Variants in ZDHHC17 observed in about 807,000 individuals in gnomAD.
The protein encoded by ZDHHC17 is palmitoyltransferase ZDHHC17.
Under a neutral mutation model 90.3 loss-of-function variants are expected in ZDHHC17, and 40 were observed. The ratio of observed to expected loss-of-function variants is 0.44; its 90% CI spans 0.34 to 0.58. ZDHHC17 has a LOEUF of 0.58. Ranked by LOEUF, ZDHHC17 falls within the 20% of genes least tolerant of loss-of-function variation. The probability of loss-of-function intolerance (pLI) is 0.01; values close to 1 mark genes in which losing one functional copy is unlikely to be tolerated. For missense variants in ZDHHC17, 614 were observed against 780.8 expected (o/e 0.79, Z 2.55); for synonymous variants, 235 against 252.4 (o/e 0.93, Z 0.65).
intron 5 of ZDHHC17, among the ~76,000 whole-genome samples, chr12:76,812,749 A>G (rs1199076729): frequency 6.6e-6 from 1 of 152,114 alleles, no homozygotes; most frequent in Non-Finnish European, 1.5e-5. Flanking sequence ...TTGTCAGGGT[A>G]TATAACATTT....
At chr12:76,815,793 A>G in intron 6 of ZDHHC17, 64 bp from the exon 7 acceptor site, 2 of 1,419,182 alleles carry the variant, frequency 1.4e-6, no homozygotes, top group Non-Finnish European at 1.9e-6. Flanking sequence ...AGTATTTGTA[A>G]TGATTTCTAT....
chr12:76,804,186 T>G (rs1398597577), intron 2 of ZDHHC17, among the ~76,000 whole-genome samples: 1 of 152,202 alleles, frequency 6.6e-6, no homozygotes, highest in Non-Finnish European at 1.5e-5. Flanking sequence ...TCCTTACATC[T>G]CTCATAATTG....
At chr12:76,842,593 A>G (rs150398480) in intron 11 of ZDHHC17, among the ~76,000 whole-genome samples, 1 of 152,290 alleles carries the variant, frequency 6.6e-6, no homozygotes, top group East Asian at 1.9e-4. Flanking sequence ...GAACTGGACT[A>G]GAAGCATTTT....
At chr12:76,850,727 C>A (rs951955632) in intron 16 of ZDHHC17, 120 bp from the exon 17 acceptor site, 1 of 1,254,638 alleles carries the variant, frequency 8.0e-7, no homozygotes. Flanking sequence ...TTCCTTCTTG[C>A]AAGTAACCTG....
rs556484711 is a variant in ZDHHC17, at chr12:76,767,726, C to T, written c.93+3397C>T. On this transcript the variant is annotated intron_variant, in intron 1 of 16. Coordinates refer to ENST00000426126, the MANE Select transcript of ZDHHC17 (RefSeq NM_015336.4). ...CCTGAGGTTCGGAGTTCAAGACCAACCTGACCAACATGGAGAAACCTTGTC... is the reference window on the plus strand; with the variant it reads ...CCTGAGGTTCGGAGTTCAAGACCAATCTGACCAACATGGAGAAACCTTGTC... 1.1e-4 allele frequency among the ~76,000 whole-genome samples: 17 copies of T among 152,218 alleles called. No individual in the cohort carries two copies. The South Asian group carries it at 3.5e-3, about 32-fold the overall frequency.
chr12:76,779,079 G>A (rs1029894769), intron 1 of ZDHHC17, among the ~76,000 whole-genome samples: 2 of 152,178 alleles, frequency 1.3e-5, no homozygotes, highest in African/African-American at 2.4e-5. Flanking sequence ...TCTGTTCTGA[G>A]GTACAGGGGT....
At chr12:76,818,630 A>C (rs1406310703) in intron 7 of ZDHHC17, among the ~76,000 whole-genome samples, 1 of 152,146 alleles carries the variant, frequency 6.6e-6, no homozygotes, top group Non-Finnish European at 1.5e-5. Flanking sequence ...TGTGGGAAAA[A>C]ATTTTCCTTG....
intron 7 of ZDHHC17, among the ~76,000 whole-genome samples, chr12:76,817,453 C>A (rs1953103182): frequency 9.9e-6 from 1 of 100,534 alleles, no homozygotes; most frequent in African/African-American, 3.6e-5. Flanking sequence ...TTTAGTTTGG[C>A]AAATAGTAAG....
chr12:76,834,349 AAAT>A (rs1245299840), intron 10 of ZDHHC17, among the ~76,000 whole-genome samples: 6 of 152,300 alleles, frequency 3.9e-5, no homozygotes, highest in African/African-American at 9.6e-5. Context: ...TTATGTCTGA[AAAT>A]AAGTAATTTT....
rs137934053 is a variant in ZDHHC17 at position 76,770,050 on chromosome 12, A to G, written c.93+5721A>G. Among the ~76,000 whole-genome samples, 860 of 152,322 alleles carry G rather than the reference A, an allele frequency of 5.6e-3. 5 individuals are homozygous for G. Among genetic ancestry groups the G allele is most frequent in the Middle Eastern group, 0.044 (13 of 294 alleles). ...TCTCAATTCTGCTCACTAGCTTGCA[A>G]TCCTGGGCACGTTATTGAACTCTGC... On this transcript the variant is annotated intron_variant, in intron 1 of 16. Coordinates refer to ENST00000426126, the MANE Select transcript of ZDHHC17 (RefSeq NM_015336.4).
At chr12:76,805,462 AT>A in intron 3 of ZDHHC17, 23 bp downstream of exon 3, 1 of 1,465,002 alleles carries the variant, frequency 6.8e-7, no homozygotes, top group Middle Eastern at 1.8e-4. Flanking sequence ...TCTATTTTTA[AT>A]TATTAGAACT....
intron 1 of ZDHHC17, among the ~76,000 whole-genome samples, chr12:76,785,750 TGA>T (rs1215712362): frequency 6.6e-6 from 1 of 152,184 alleles, no homozygotes; most frequent in African/African-American, 2.4e-5. Context: ...ATAGCTAACA[TGA>T]GCACAAAGAT....
chr12:76,843,039 A>G, intron 12 of ZDHHC17, 58 bp downstream of exon 12: 1 of 1,370,942 alleles, frequency 7.3e-7, no homozygotes, highest in Non-Finnish European at 1.0e-6. Flanking sequence ...GTGGCATAGC[A>G]TAGCGGGTAT....
At chr12:76,815,751 A>G (rs1953079452) in intron 6 of ZDHHC17, 106 bp from the exon 7 acceptor site, 1 of 1,233,454 alleles carries the variant, frequency 8.1e-7, no homozygotes, top group Admixed American at 3.5e-5. Context: ...AAGTGTTCCA[A>G]AATGGAATGC....
intron 7 of ZDHHC17, among the ~76,000 whole-genome samples, chr12:76,821,562 T>C (rs1592487628): frequency 1.3e-5 from 2 of 152,328 alleles, no homozygotes; most frequent in East Asian, 3.9e-4. Context: ...TATTCATCTT[T>C]ACATTCTTGA....
chr12:76,774,264 GTGTGTA>G (rs139357745), intron 1 of ZDHHC17, among the ~76,000 whole-genome samples: 24,494 of 149,628 alleles, frequency 0.16, 2,328 homozygotes, highest in Non-Finnish European at 0.22. Flanking sequence ...TAAAGAATGT[GTGTGTA>G]TGTGTATGTG....
chr12:76,797,901 G>A (rs894155326), intron 2 of ZDHHC17, among the ~76,000 whole-genome samples: 12 of 151,860 alleles, frequency 7.9e-5, no homozygotes, highest in African/African-American at 2.4e-4. Context: ...CCGAGATTGC[G>A]CCACTGTGCT....
At chr12:76,779,499 C>T (rs918952890) in intron 1 of ZDHHC17, among the ~76,000 whole-genome samples, 4 of 152,104 alleles carry the variant, frequency 2.6e-5, no homozygotes, top group Non-Finnish European at 5.9e-5. Flanking sequence ...AGATTACTAT[C>T]TCACTAGAAT....
At chr12:76,827,937 C>T (rs1157609747) in intron 9 of ZDHHC17, among the ~76,000 whole-genome samples, 1 of 152,044 alleles carries the variant, frequency 6.6e-6, no homozygotes, top group Non-Finnish European at 1.5e-5. Context: ...CCAGTTCATT[C>T]TACTTGAAAA....
Sources: gnomAD v4.1 joint callset for allele counts (sites outside exome capture counted in the v4.1 genomes callset) on GRCh38, gnomAD v4.1.1 for gene constraint, MANE v1.5 for transcripts, NCBI Gene and HGNC (gene_info 2026-07-23, HGNC 2026-07-21) for gene names.